ELP4: variants seen among roughly 807,000 people sequenced by gnomAD.
ELP4 encodes the protein elongator complex protein 4.
A neutral mutation model predicts 48.9 loss-of-function variants in ELP4; 51 were observed. The observed-to-expected ratio is 1.04, with a 90% confidence interval of 0.83 to 1.32. The LOEUF is 1.32. Among genes scored for constraint, ELP4 ranks in the 40% most tolerant of loss-of-function variants. The pLI is 0.00. For missense variants in ELP4, 519 were observed against 514.6 expected, an observed-to-expected ratio of 1.01 and a Z score of -0.08; for synonymous variants, 210 against 189.2, an observed-to-expected ratio of 1.11 and a Z score of -0.90.
intron 3 of ELP4, among the ~76,000 whole-genome samples, chr11:31,578,175 T>C (rs1266351677): frequency 6.6e-6 from 1 of 152,116 alleles, no homozygotes; most frequent in East Asian, 1.9e-4. Context: ...AAATCATGAG[T>C]GAACTCCCAT....
At chr11:31,517,246 T>C (rs1459298280) in intron 1 of ELP4, among the ~76,000 whole-genome samples, 1 of 151,718 alleles carries the variant, frequency 6.6e-6, no homozygotes, top group Admixed American at 6.6e-5. Flanking sequence ...TGCAGTGGCA[T>C]GATCTCAACT....
At chr11:31,718,298 C>T (rs772712809) in intron 9 of ELP4, among the ~76,000 whole-genome samples, 3 of 152,180 alleles carry the variant, frequency 2.0e-5, no homozygotes, top group Non-Finnish European at 4.4e-5. Context: ...TTTCTATATG[C>T]AGATATACCT....
At chr11:31,702,327 CAATAATAAT>C (rs36220373) in intron 9 of ELP4, among the ~76,000 whole-genome samples, 14 of 151,276 alleles carry the variant, frequency 9.3e-5, no homozygotes, top group Middle Eastern at 3.2e-3. Context: ...ATAACAATAA[CAATAATAAT>C]AATAATAATA....
chr11:31,759,672 C>T (rs1375077883), intron 9 of ELP4, among the ~76,000 whole-genome samples: 2 of 151,800 alleles, frequency 1.3e-5, no homozygotes, highest in African/African-American at 2.4e-5. Context: ...TGCCCTACCT[C>T]GTTTAAGTGT....
At chr11:31,668,731 G>A (rs61879763) in intron 9 of ELP4, among the ~76,000 whole-genome samples, 91,079 of 143,044 alleles carry the variant, frequency 0.64, 31,228 homozygotes, top group Non-Finnish European at 0.76. Context: ...TAAGAACCCT[G>A]TAGAGAGAAA....
chr11:31,631,736 A>T (rs1199804863), intron 6 of ELP4, among the ~76,000 whole-genome samples: 1 of 152,164 alleles, frequency 6.6e-6, no homozygotes. Flanking sequence ...AATGTAAAAT[A>T]TAAAAACAAA....
chr11:31,597,787 G>A (rs916317108), intron 4 of ELP4, among the ~76,000 whole-genome samples: 3 of 151,830 alleles, frequency 2.0e-5, no homozygotes, highest in Admixed American at 6.6e-5. Context: ...GGCTGGTCTC[G>A]AACTCCTGAC....
intron 4 of ELP4, among the ~76,000 whole-genome samples, chr11:31,597,645 C>T (rs540482434): frequency 1.3e-5 from 2 of 152,272 alleles, no homozygotes; most frequent in South Asian, 4.1e-4. Flanking sequence ...GATCTCAGCT[C>T]ACTGCAACCT....
intron 9 of ELP4, among the ~76,000 whole-genome samples, chr11:31,734,961 T>C (rs751223469): frequency 6.6e-6 from 1 of 152,052 alleles, no homozygotes; most frequent in East Asian, 1.9e-4. Context: ...TTGAAACATA[T>C]TACAAAGCTA....
chr11:31,530,539 C>T (rs892812698), intron 2 of ELP4, among the ~76,000 whole-genome samples: 6 of 151,546 alleles, frequency 4.0e-5, no homozygotes, highest in Non-Finnish European at 8.8e-5. Context: ...ACAAATTAGA[C>T]AATTATAAAA....
intron 9 of ELP4, among the ~76,000 whole-genome samples, chr11:31,744,439 A>C (rs1233264057): frequency 3.3e-5 from 5 of 152,200 alleles, no homozygotes; most frequent in Non-Finnish European, 5.9e-5. Context: ...GACACAACAA[A>C]AAAAGAATTT....
chr11:31,759,704 C>CTTTTCTCTTTTTTT (rs1565144033), intron 9 of ELP4, among the ~76,000 whole-genome samples: 4 of 149,548 alleles, frequency 2.7e-5, no homozygotes, highest in African/African-American at 1.0e-4. Context: ...TTTCTTTTTT[C>CTTTTCTCTTTTTTT]TTTTTTCTTT....
intron 5 of ELP4, among the ~76,000 whole-genome samples, chr11:31,623,023 A>T (rs907573813): frequency 2.2e-5 from 3 of 135,834 alleles, no homozygotes; most frequent in Non-Finnish European, 3.4e-5. Context: ...ATCTCAAAAT[A>T]GATCATTATA....
intron 9 of ELP4, among the ~76,000 whole-genome samples, chr11:31,687,124 G>A (rs1349277231): frequency 6.6e-6 from 1 of 152,154 alleles, no homozygotes; most frequent in East Asian, 1.9e-4. Context: ...TGAGGTTGGT[G>A]TCTTTCATTA....
At chr11:31,526,246 C>T (rs1326872783) in intron 2 of ELP4, among the ~76,000 whole-genome samples, 12 of 152,084 alleles carry the variant, frequency 7.9e-5, no homozygotes. Context: ...TCAAATTTCT[C>T]ATTTTATACT....
chr11:31,547,708 C>G (rs971956478), intron 3 of ELP4, among the ~76,000 whole-genome samples: 11 of 152,250 alleles, frequency 7.2e-5, no homozygotes, highest in African/African-American at 2.6e-4. Context: ...GACCAATATC[C>G]TTGTTGAACA....
chr11:31,668,652 C>T (rs1476019449), intron 9 of ELP4, among the ~76,000 whole-genome samples: 6 of 123,514 alleles, frequency 4.9e-5, no homozygotes, highest in South Asian at 2.7e-4. Flanking sequence ...CTTTAGATAT[C>T]GGAATGAAAT....
At chr11:31,655,378 GAAA>G (rs66609311) in intron 9 of ELP4, among the ~76,000 whole-genome samples, 1 of 149,784 alleles carries the variant, frequency 6.7e-6, no homozygotes, top group Non-Finnish European at 1.5e-5. Context: ...GAAGAGATAA[GAAA>G]AAAAAAAACA....
At chr11:31,699,140 A>G (rs1249663122) in intron 9 of ELP4, among the ~76,000 whole-genome samples, 2 of 152,170 alleles carry the variant, frequency 1.3e-5, no homozygotes, top group African/African-American at 4.8e-5. Context: ...GGAATACTCC[A>G]AGTACCCAAA....
Sources: allele counts gnomAD v4.1 joint callset (sites outside exome capture counted in the v4.1 genomes callset), GRCh38; gene constraint gnomAD v4.1.1; transcripts MANE v1.5; gene names NCBI Gene and HGNC (gene_info 2026-07-23, HGNC 2026-07-21).